Variants in SAMD12 observed in about 807,000 individuals in gnomAD.
The protein encoded by SAMD12 is sterile alpha motif domain containing 12.
SAMD12 carries 9 observed loss-of-function variants against 15.0 expected under a neutral mutation model. The observed-to-expected ratio is 0.60, with a 90% confidence interval of 0.36 to 1.05. SAMD12 has a LOEUF of 1.05. Among genes scored for constraint, SAMD12 ranks in the 50% least tolerant of loss-of-function variants. The pLI, the probability that SAMD12 is intolerant of heterozygous loss-of-function variation, is 0.01. For synonymous variants in SAMD12, 86 were observed against 90.1 expected (o/e 0.96, Z 0.25); for missense variants, 230 against 234.2 (o/e 0.98, Z 0.12).
chr8:118,302,350 T>A (rs1815094704), intron 4 of SAMD12, among the ~76,000 whole-genome samples: 1 of 152,198 alleles, frequency 6.6e-6, no homozygotes, highest in Non-Finnish European at 1.5e-5. Flanking sequence ...GTTTATTGAG[T>A]ATGTACTGTG....
At chr8:118,539,053 G>A (rs1825922304) in intron 2 of SAMD12, among the ~76,000 whole-genome samples, 1 of 152,162 alleles carries the variant, frequency 6.6e-6, no homozygotes, top group Non-Finnish European at 1.5e-5. Flanking sequence ...CATCTCCCAA[G>A]AGTAATATGT....
intron 2 of SAMD12, among the ~76,000 whole-genome samples, chr8:118,446,865 A>T (rs1458085098): frequency 1.3e-5 from 2 of 152,150 alleles, no homozygotes; most frequent in Non-Finnish European, 2.9e-5. Flanking sequence ...ATCCAAAACT[A>T]TACCTCCAGC....
intron 4 of SAMD12, among the ~76,000 whole-genome samples, chr8:118,370,341 G>T (rs1268415787): frequency 6.6e-6 from 1 of 152,184 alleles, no homozygotes; most frequent in Non-Finnish European, 1.5e-5. Context: ...TGGTGGGAAT[G>T]CAAATTAGTT....
chr8:118,383,147 T>C (rs1819761271), intron 3 of SAMD12, among the ~76,000 whole-genome samples: 1 of 152,206 alleles, frequency 6.6e-6, no homozygotes, highest in Non-Finnish European at 1.5e-5. Flanking sequence ...TTGTTTATCA[T>C]AAAATTCAAT....
intron 4 of SAMD12, among the ~76,000 whole-genome samples, chr8:118,263,046 G>A (rs1348957924): frequency 6.6e-6 from 1 of 151,870 alleles, no homozygotes; most frequent in Non-Finnish European, 1.5e-5. Flanking sequence ...AACCCACATT[G>A]CCCATTGCCC....
At chr8:118,611,752 TAGTATTTGAATTTTTG>T (rs1828117404) in intron 1 of SAMD12, among the ~76,000 whole-genome samples, 1 of 152,206 alleles carries the variant, frequency 6.6e-6, no homozygotes, top group Non-Finnish European at 1.5e-5. Flanking sequence ...AGGAGTTCTG[TAGTATTTGAATTTTTG>T]AATATTTGAA....
chr8:118,603,179 GGAGA>G (rs1361653724), intron 1 of SAMD12, among the ~76,000 whole-genome samples: 13 of 151,774 alleles, frequency 8.6e-5, no homozygotes, highest in African/African-American at 3.1e-4. Context: ...AATAAAAGCT[GGAGA>G]AAGAAAGAAG....
chr8:118,269,625 T>C (rs935066200), intron 4 of SAMD12, among the ~76,000 whole-genome samples: 4 of 152,164 alleles, frequency 2.6e-5, no homozygotes, highest in Non-Finnish European at 4.4e-5. Context: ...ATACCTTCTG[T>C]CATGCTCTAT....
intron 3 of SAMD12, among the ~76,000 whole-genome samples, chr8:118,431,215 A>G (rs911551066): frequency 3.3e-5 from 5 of 152,300 alleles, no homozygotes; most frequent in Admixed American, 1.3e-4. Flanking sequence ...CATTTTACTT[A>G]TCTATATGGT....
downstream of SAMD12, among the ~76,000 whole-genome samples, chr8:118,187,134 G>C (rs575073004): frequency 6.6e-6 from 1 of 152,082 alleles, no homozygotes; most frequent in Non-Finnish European, 1.5e-5. Context: ...TCAACTTCTC[G>C]TGAGAAAGGG....
intron 4 of SAMD12, among the ~76,000 whole-genome samples, chr8:118,354,791 T>C (rs1818145631): frequency 6.6e-6 from 1 of 152,222 alleles, no homozygotes; most frequent in African/African-American, 2.4e-5. Context: ...ACAGATATCC[T>C]TGTATTGTCC....
intron 3 of SAMD12, among the ~76,000 whole-genome samples, chr8:118,383,298 T>C (rs1383784427): frequency 1.3e-5 from 2 of 152,100 alleles, no homozygotes; most frequent in Non-Finnish European, 2.9e-5. Context: ...ATGGCAAATG[T>C]CTACGAGTAT....
At chr8:118,604,670 C>G (rs1442357708) in intron 1 of SAMD12, among the ~76,000 whole-genome samples, 1 of 152,128 alleles carries the variant, frequency 6.6e-6, no homozygotes, top group African/African-American at 2.4e-5. Context: ...GCCTGTAATC[C>G]CAGCACTTTG....
chr8:118,186,114 T>A (rs1313131102), downstream of SAMD12, among the ~76,000 whole-genome samples: 1 of 152,206 alleles, frequency 6.6e-6, no homozygotes, highest in African/African-American at 2.4e-5. Flanking sequence ...GCAAGACTTC[T>A]CAGAGCCTTT....
intron 4 of SAMD12, among the ~76,000 whole-genome samples, chr8:118,346,543 C>A (rs955055361): frequency 2.6e-5 from 4 of 152,186 alleles, no homozygotes; most frequent in African/African-American, 9.7e-5. Flanking sequence ...CTCCTCAGGG[C>A]TGCATGCTGT....
intron 3 of SAMD12, among the ~76,000 whole-genome samples, chr8:118,392,124 T>C (rs985898413): frequency 6.6e-6 from 1 of 152,130 alleles, no homozygotes; most frequent in African/African-American, 2.4e-5. Flanking sequence ...CTCACAGCGG[T>C]AAGCACAATA....
At chr8:118,267,003 A>T (rs1002184228) in intron 4 of SAMD12, among the ~76,000 whole-genome samples, 5 of 152,174 alleles carry the variant, frequency 3.3e-5, no homozygotes, top group Admixed American at 1.3e-4. Flanking sequence ...GCCACAAAAA[A>T]TGGTAACTGT....
At chr8:118,286,800 A>T (rs1357014268) in intron 4 of SAMD12, among the ~76,000 whole-genome samples, 1 of 152,102 alleles carries the variant, frequency 6.6e-6, no homozygotes, top group Non-Finnish European at 1.5e-5. Context: ...CAGGTTAAGG[A>T]AACAGTTTAA....
chr8:118,248,804 A>G (rs1451632575), intron 4 of SAMD12, among the ~76,000 whole-genome samples: 2 of 152,160 alleles, frequency 1.3e-5, no homozygotes, highest in Non-Finnish European at 2.9e-5. Flanking sequence ...CAACTCTCTA[A>G]AACAAATGCA....
Sources: allele counts gnomAD v4.1 joint callset (sites outside exome capture counted in the v4.1 genomes callset), GRCh38; gene constraint gnomAD v4.1.1; transcripts MANE v1.5; gene names NCBI Gene and HGNC (gene_info 2026-07-23, HGNC 2026-07-21).